Variants in ARHGAP17 observed in about 807,000 individuals in gnomAD.
ARHGAP17 encodes the protein rho GTPase-activating protein 17.
A neutral mutation model predicts 99.5 loss-of-function variants in ARHGAP17; 57 were observed. That is an observed-to-expected ratio of 0.57 (90% CI 0.46 to 0.71). ARHGAP17 has a LOEUF of 0.71. Ranked by LOEUF, ARHGAP17 falls within the 30% of genes least tolerant of loss-of-function variation. The probability of loss-of-function intolerance (pLI) is 0.00; values close to 1 mark genes in which losing one functional copy is unlikely to be tolerated. For synonymous variants in ARHGAP17, 417 were observed against 429.6 expected (o/e 0.97, Z 0.36); for missense variants, 1,000 against 1,122.4 (o/e 0.89, Z 1.56).
chr16:24,999,922 C>T (rs1268322884), intron 1 of ARHGAP17, among the ~76,000 whole-genome samples: 1 of 152,202 alleles, frequency 6.6e-6, no homozygotes, highest in African/African-American at 2.4e-5. Context: ...TGCTGTGTCA[C>T]ACTGTATGTC....
intron 1 of ARHGAP17, among the ~76,000 whole-genome samples, chr16:25,011,050 C>A (rs151125674): frequency 8.1e-4 from 123 of 152,322 alleles, no homozygotes; most frequent in African/African-American, 2.9e-3. Flanking sequence ...TCTGTAACTT[C>A]AAGGTCTTCA....
At position 24,977,318 on chromosome 16, in the gene ARHGAP17, A is replaced by G. The variant is rs1451627833; in HGVS notation, c.95T>C (p.Ile32Thr). 1.3e-6 allele frequency: 2 copies of G among 1,580,522 alleles called. No homozygotes were observed. Among genetic ancestry groups the G allele is most frequent in the South Asian group, 2.3e-5 (2 of 86,758 alleles). The stretch of plus-strand genomic sequence containing the variant: ...CCGCACCGTGTCCAGGCGTCTCTCA[A>G]TCTGACAAGGCAGAGACAAAAGAGA... ...TEVLSEDLLQ[I>T]ERRLDTVRSI... Residue 32 changes from isoleucine to threonine, a missense_variant and splice_region_variant, in exon 3 of 20, where the codon ATT (isoleucine) becomes ACT (threonine). Ile to Thr is a moderately conservative substitution (Grantham distance 89, BLOSUM62 -1). Transcript: ENST00000289968.
intron 7 of ARHGAP17, among the ~76,000 whole-genome samples, chr16:24,961,962 G>C (rs1212340202): frequency 8.4e-6 from 1 of 118,774 alleles, no homozygotes; most frequent in South Asian, 2.5e-4. Context: ...TATATATGTA[G>C]AGAGAGTTTG....
chr16:24,935,843 AT>A (rs113859127), intron 17 of ARHGAP17: 4,251 of 531,362 alleles, frequency 8.0e-3, no homozygotes, highest in East Asian at 0.012. Flanking sequence ...ACTTGGTGCC[AT>A]TTTTTTTTTA....
In ARHGAP17 at chr16:24,954,948, C is replaced by T. The variant is rs368309038; in HGVS notation, c.725-218G>A. The T allele has an allele frequency of 8.3e-5, 47 of 568,878 alleles. 1 individual carries two copies. In the South Asian group the frequency reaches 1.0e-3, roughly 13 times the overall value. The allele number at this position is 568,878 out of a possible 1,614,324, so 35.2% of individuals were successfully genotyped here. A position where few individuals can be genotyped will look rare whatever the true frequency, so the allele number is the denominator to read the frequency against. ...GTTACTTGTGGAACAGAAGCCTGAG[C>T]GTACCTAGATGGCACCAACTCAGGC... On this transcript the variant is annotated intron_variant, in intron 9 of 19. Transcript: ENST00000289968.
intron 17 of ARHGAP17, among the ~76,000 whole-genome samples, chr16:24,937,375 T>C (rs1399867964): frequency 3.3e-5 from 5 of 151,892 alleles, no homozygotes; most frequent in Non-Finnish European, 5.9e-5. Flanking sequence ...TGAGCCAACA[T>C]TGCACCACTG....
chr16:24,979,940 A>T (rs1474882928), intron 1 of ARHGAP17, among the ~76,000 whole-genome samples: 1 of 152,182 alleles, frequency 6.6e-6, no homozygotes, highest in East Asian at 1.9e-4. Flanking sequence ...CGAACTCCTG[A>T]CCTCAAGTAA....
chr16:24,944,613 A>AT (rs1240692326), intron 14 of ARHGAP17, among the ~76,000 whole-genome samples: 2 of 151,664 alleles, frequency 1.3e-5, no homozygotes, highest in Admixed American at 1.3e-4. Context: ...TTTATTTTTT[A>AT]TTTTTTTATT....
intron 1 of ARHGAP17, chr16:25,013,746 T>A (rs532529711): frequency 6.6e-6 from 1 of 152,318 alleles, no homozygotes; most frequent in South Asian, 2.1e-4. Context: ...CCCTTACCTG[T>A]CACGAACAAT....
Position 24,939,372 on chromosome 16 carries a change from G to T in ARHGAP17, c.1716C>A (p.Gly572=), listed in dbSNP as rs767964861. 4.4e-6 allele frequency: 7 copies of T among 1,603,500 alleles called. No individual in the cohort carries two copies. In the South Asian group the frequency reaches 7.8e-5, roughly 18 times the overall value. ...GAAGTCAGCCTCCTTACCTGCCGTC[G>T]CCTGGGCTCGGCCCCTGCTCCAGTA... The part of the protein sequence containing the change: ...AGILEQGPSP[G]DGSPPKPKDP... The change falls in exon 17 of 20, where the codon GGC becomes GGA. Residue 572 remains glycine, a synonymous_variant. Coordinates refer to ENST00000289968, the MANE Select transcript of ARHGAP17 (RefSeq NM_001006634.3).
At chr16:25,014,802 G>A (rs932806066) in intron 1 of ARHGAP17, among the ~76,000 whole-genome samples, 3 of 152,216 alleles carry the variant, frequency 2.0e-5, no homozygotes, top group African/African-American at 7.2e-5. Flanking sequence ...ACAGCACAGC[G>A]CTCGGCACAG....
chr16:25,013,690 C>T lies in ARHGAP17; in HGVS notation c.53+1519G>A, dbSNP rs543879034. On this transcript the variant is annotated intron_variant, in intron 1 of 19. Transcript: ENST00000289968. ...CAGGAGTCAAAGAGACCCTAAATAG[C>T]TTGGTAGATTTAAGTCTCAGAACTT... 4.6e-5 allele frequency among the ~76,000 whole-genome samples: 7 copies of T among 151,830 alleles called. No individual in the cohort carries two copies. The South Asian group carries it at 6.2e-4, about 14-fold the overall frequency.
At position 24,939,581 on chromosome 16, in the gene ARHGAP17, T is replaced by G. The variant is rs1378577878; in HGVS notation, c.1507A>C (p.Met503Leu). ...VKKESFGVKL[M>L]DFQAHRRGGT... Reference sequence around the variant, plus strand: ...CCCCGCCGGTGGGCCTGGAAGTCCATAAGCTTCACACCAAAGCTACACAGA... The same window carrying G: ...CCCCGCCGGTGGGCCTGGAAGTCCAGAAGCTTCACACCAAAGCTACACAGA... Residue 503 changes from methionine (M) to leucine (L), a missense_variant, in exon 17 of 20, where the codon ATG (methionine) becomes CTG (leucine). By Grantham distance (15) the Met-to-Leu change is conservative (BLOSUM62 2). This residue lies in a region of ARHGAP17 where 528 missense variants were observed against 511.4 expected (regional missense o/e 1.03). Coordinates refer to ENST00000289968, the MANE Select transcript of ARHGAP17 (RefSeq NM_001006634.3). 1.2e-6 allele frequency: 2 copies of G among 1,606,526 alleles called. No individual in the cohort carries two copies. The highest frequency in any genetic ancestry group is 1.7e-5 in the Admixed American group (1 of 58,488).
At chr16:25,002,436 T>C (rs1019053158) in intron 1 of ARHGAP17, among the ~76,000 whole-genome samples, 3 of 152,150 alleles carry the variant, frequency 2.0e-5, no homozygotes, top group African/African-American at 7.2e-5. Flanking sequence ...CCTTCCTCCC[T>C]GGTCCTGACT....
In ARHGAP17 at chr16:24,946,236, C is replaced by T. The variant is rs537423735; in HGVS notation, c.1241+1246G>A. On this transcript the variant is annotated intron_variant, in intron 14 of 19. Transcript: ENST00000289968. ...ACTCCCCACCACCCAGAAAATAAGT[C>T]CCAGACACCTCAGTACAATGTGTGA... 3.9e-5 allele frequency among the ~76,000 whole-genome samples: 6 copies of T among 152,128 alleles called. No individual in the cohort carries two copies. In the South Asian group the frequency reaches 1.2e-3, roughly 32 times the overall value.
Position 24,931,111 on chromosome 16 carries a change from G to A in ARHGAP17, c.2188C>T (p.Pro730Ser), listed in dbSNP as rs373596403. ...TQATPLMHTK[P>S]NSQGPPNPMA... The stretch of plus-strand genomic sequence containing the variant: ...GGGTTGGGAGGGCCCTGGCTATTGG[G>A]TTTGGTGTGCATCAGTGGCGTGGCC... Residue 730 changes from proline to serine, a missense_variant, in exon 19 of 20, where the codon CCC becomes TCC. Coordinates refer to ENST00000289968, the MANE Select transcript of ARHGAP17 (RefSeq NM_001006634.3). 4.2e-5 allele frequency: 68 copies of A among 1,607,136 alleles called. No individual in the cohort carries two copies. Among genetic ancestry groups the A allele is most frequent in the East Asian group, 6.7e-5 (3 of 44,854 alleles).
intron 14 of ARHGAP17, among the ~76,000 whole-genome samples, chr16:24,945,157 CTACAAAAA>C (rs1484399793): frequency 6.6e-6 from 1 of 151,718 alleles, no homozygotes; most frequent in Non-Finnish European, 1.5e-5. Flanking sequence ...AATCCCATCT[CTACAAAAA>C]TACAAAAATT....
At chr16:24,939,237 T>A in intron 17 of ARHGAP17, 127 bp downstream of exon 17, 1 of 803,832 alleles carries the variant, frequency 1.2e-6, no homozygotes. Context: ...ACCAGAGGAG[T>A]GAAAGTAAAT....
intron 8 of ARHGAP17, 57 bp downstream of exon 8, chr16:24,959,854 G>A: frequency 6.2e-7 from 1 of 1,605,552 alleles, no homozygotes; most frequent in Non-Finnish European, 8.5e-7. Context: ...TTGCAAAAAA[G>A]CTAAAATGAC....
Sources: gnomAD v4.1 joint callset for allele counts (sites outside exome capture counted in the v4.1 genomes callset) on GRCh38, gnomAD v4.1.1 for gene constraint, gnomAD v4.1.1 regional missense constraint, MANE v1.5 for transcripts, NCBI Gene and HGNC (gene_info 2026-07-23, HGNC 2026-07-21) for gene names.